The following STKLD1 variants were observed in gnomAD, a reference collection of about 807,000 sequenced individuals.
STKLD1 encodes serine/threonine kinase like domain containing 1.
STKLD1 carries 79 observed loss-of-function variants against 80.4 expected under a neutral mutation model. The ratio of observed to expected loss-of-function variants is 0.98; its 90% CI spans 0.82 to 1.19. The LOEUF is 1.19. STKLD1 is among the 50% of genes most tolerant of loss of function. The probability of loss-of-function intolerance (pLI) is 0.00; values close to 1 mark genes in which losing one functional copy is unlikely to be tolerated. For missense variants in STKLD1, 841 were observed against 856.0 expected, an observed-to-expected ratio of 0.98 and a Z score of 0.22; for synonymous variants, 393 against 357.6, an observed-to-expected ratio of 1.10 and a Z score of -1.12.
chr9:133,385,030 A>G lies in STKLD1; in HGVS notation c.220-587A>G, dbSNP rs2130273540. On this transcript the variant is annotated intron_variant, in intron 3 of 17. Coordinates refer to ENST00000371957, the MANE Select transcript of STKLD1 (RefSeq NM_153710.5). This position sits in a 1 kb window ranked among gnomAD's most constrained non-coding sequence, Gnocchi z 4.9. ...TCGGTAACAAATGGGAAGAAAGAGC[A>G]TGGGGCCTGCCCAGAGCCGCACGCC... 1.2e-3 allele frequency among the ~76,000 whole-genome samples: 178 copies of G among 152,282 alleles called. 2 individuals are homozygous for G. The highest frequency in any genetic ancestry group is 4.7e-4 in the Non-Finnish European group (32 of 68,016).
In STKLD1 at chr9:133,397,964, C is replaced by A. The variant is rs201703214; in HGVS notation, c.998-8C>A. ...AAAGGTCCCTCCCCTGCCTTCCTGT[C>A]CCTGCAGAGGTCATGCAGAAATTCT... On this transcript the variant is annotated splice_region_variant and splice_polypyrimidine_tract_variant and intron_variant, in intron 10 of 17. Coordinates refer to ENST00000371957, the MANE Select transcript of STKLD1 (RefSeq NM_153710.5). 2.5e-6 allele frequency: 4 copies of A among 1,611,934 alleles called. No individual in the cohort carries two copies. In the East Asian group the frequency reaches 8.9e-5, roughly 36 times the overall value.
intron 9 of STKLD1, among the ~76,000 whole-genome samples, chr9:133,396,414 G>T (rs1838565946): frequency 1.3e-5 from 2 of 152,138 alleles, no homozygotes; most frequent in South Asian, 4.1e-4. Flanking sequence ...CTTCAGCCTG[G>T]GTGACAGAGT....
Position 133,389,279 on chromosome 9 carries a change from C to T in STKLD1, c.397-247C>T, listed in dbSNP as rs1367006003. 1.0e-6 allele frequency: 1 copy of T among 985,140 alleles called. No individual in the cohort carries two copies. The highest frequency in any genetic ancestry group is 6.2e-5 in the Admixed American group (1 of 16,250). 61.0% of individuals were successfully genotyped at this position (985,140 alleles called of 1,614,324 possible). On this transcript the variant is annotated intron_variant, in intron 5 of 17. Coordinates refer to ENST00000371957, the MANE Select transcript of STKLD1 (RefSeq NM_153710.5). This position sits in a 1 kb window ranked among gnomAD's most constrained non-coding sequence, Gnocchi z 6.4. The stretch of plus-strand genomic sequence containing the variant: ...ATGGGGCCCCTGCAGCACCCAGGGT[C>T]TCTGGTATGGAGACAGCAGTGTGGA...
Position 133,403,908 on chromosome 9 carries a change from C to T in STKLD1, c.1604-12C>T. 3 of 1,606,532 alleles carry T rather than the reference C, an allele frequency of 1.9e-6. No homozygotes were observed. The highest frequency in any genetic ancestry group is 1.1e-5 in the South Asian group (1 of 90,466). ...CACAGCAGGCACAAGGCAGCCCGGCCCCTTTCTGCAGGCTGCATCAAGGAG... is the reference window on the plus strand; with the variant it reads ...CACAGCAGGCACAAGGCAGCCCGGCTCCTTTCTGCAGGCTGCATCAAGGAG... On this transcript the variant is annotated splice_polypyrimidine_tract_variant and intron_variant, in intron 15 of 17. Transcript: ENST00000371957.
intron 11 of STKLD1, among the ~76,000 whole-genome samples, chr9:133,399,894 A>G (rs1488836099): frequency 1.6e-5 from 2 of 127,220 alleles, no homozygotes; most frequent in Non-Finnish European, 3.2e-5. Flanking sequence ...AAAAAAAAAA[A>G]GAGGGGGGGG....
At position 133,382,888 on chromosome 9, in the gene STKLD1, TG is replaced by T. The variant is rs1193883187; in HGVS notation, c.175-966del. On this transcript the variant is annotated intron_variant, in intron 2 of 17. Transcript: ENST00000371957. ...GGTGTGATGGTGATGGTGGTAATGA[TG>T]GTGATGATGTTGGTGATGGTGGTGA... Among the ~76,000 whole-genome samples, 58 of 142,532 alleles carry T rather than the reference TG, an allele frequency of 4.1e-4. 1 individual carries two copies. The highest frequency in any genetic ancestry group is 3.4e-4 in the Admixed American group (5 of 14,510). The allele number at this position is 142,532 out of a possible 152,430, so 93.5% of individuals were successfully genotyped here. A position where few individuals can be genotyped will look rare whatever the true frequency, so the allele number is the denominator to read the frequency against.
At chr9:133,398,857 G>C (rs1554777117) in intron 11 of STKLD1, among the ~76,000 whole-genome samples, 1 of 151,904 alleles carries the variant, frequency 6.6e-6, no homozygotes, top group Non-Finnish European at 1.5e-5. Flanking sequence ...TTGTTTGTTT[G>C]TTTGTTTGTT....
Position 133,400,441 on chromosome 9 carries a change from G to T in STKLD1, c.1110G>T (p.Glu370Asp). ...LGLPWPPELV[E>D]VVVTTMELHD... is the part of the protein sequence containing the mutation. ...TGCCGTGGCCCCCGGAGCTGGTGGA[G>T]GTGGTGGTCACGACCATGGAGCTAC... is the stretch of plus-strand genomic sequence containing the variant. The change falls in exon 12 of 18, where the codon GAG (glutamate) becomes GAT (aspartate). Residue 370 changes from glutamate (E) to aspartate (D), a missense_variant. Coordinates refer to ENST00000371957, the MANE Select transcript of STKLD1 (RefSeq NM_153710.5). 6.2e-7 allele frequency: 1 copy of T among 1,613,140 alleles called. No individual in the cohort carries two copies. The highest frequency in any genetic ancestry group is 1.1e-5 in the South Asian group (1 of 91,082).
intron 10 of STKLD1, 45 bp from the exon 11 acceptor site, chr9:133,397,927 C>T (rs951515857): frequency 1.3e-6 from 2 of 1,548,940 alleles, no homozygotes; most frequent in Non-Finnish European, 1.8e-6. Context: ...GCCCCGAGGC[C>T]CTGGTCCTCA....
In STKLD1 at chr9:133,389,056, CT is replaced by C. The variant is rs1838326375; in HGVS notation, c.397-469del. The stretch of plus-strand genomic sequence containing the variant: ...GGAGCCCAGCTTTAGAATCACCGCG[CT>C]GGGTACTCGATGGAGCTTGTCTCTG... On this transcript the variant is annotated intron_variant, in intron 5 of 17. Transcript: ENST00000371957. This position sits in a 1 kb window ranked among gnomAD's most constrained non-coding sequence, Gnocchi z 6.4. 2 of 985,382 alleles carry C rather than the reference CT, an allele frequency of 2.0e-6. No homozygotes were observed. Among genetic ancestry groups the C allele is most frequent in the African/African-American group, 1.7e-5 (1 of 57,340 alleles). 61.0% of individuals were successfully genotyped at this position (985,382 alleles called of 1,614,324 possible).
chr9:133,401,876 A>AG lies in STKLD1; in HGVS notation c.1339+1dup, dbSNP rs1838716173. 2 of 1,613,122 alleles carry AG rather than the reference A, an allele frequency of 1.2e-6. No individual in the cohort carries two copies. The highest frequency in any genetic ancestry group is 1.7e-6 in the Non-Finnish European group (2 of 1,179,920). On this transcript the variant is annotated frameshift_variant and splice_region_variant, in exon 13 of 18. Coordinates refer to ENST00000371957, the MANE Select transcript of STKLD1 (RefSeq NM_153710.5). LOFTEE classifies it high-confidence loss of function. ...AGCCTGCTAGCCATCACCACAACCC[A>AG]GGGTGTGTCTGCCAGCCACCTCCTG...
intron 8 of STKLD1, among the ~76,000 whole-genome samples, chr9:133,395,023 A>G: frequency 6.6e-6 from 1 of 152,144 alleles, no homozygotes; most frequent in East Asian, 1.9e-4. Context: ...TATGCAGAAG[A>G]GAAAAGTGGG....
intron 2 of STKLD1, among the ~76,000 whole-genome samples, chr9:133,380,338 T>A (rs2130263304): frequency 1.1e-4 from 17 of 150,710 alleles, no homozygotes; most frequent in Non-Finnish European, 2.2e-4. Context: ...AGCCACCGCG[T>A]CCGGCCTGAG....
intron 2 of STKLD1, among the ~76,000 whole-genome samples, chr9:133,382,561 ATGATGG>A (rs999162151): frequency 2.8e-5 from 4 of 143,708 alleles, no homozygotes; most frequent in Non-Finnish European, 4.5e-5. Flanking sequence ...TGATGGTGTG[ATGATGG>A]TGATGGTGGT....
intron 11 of STKLD1, among the ~76,000 whole-genome samples, chr9:133,398,766 C>A (rs1554777087): frequency 6.6e-6 from 1 of 152,212 alleles, no homozygotes; most frequent in East Asian, 1.9e-4. Flanking sequence ...AAGACCCTGT[C>A]TCAGAAAACA....
chr9:133,402,846 G>T, intron 13 of STKLD1, 32 bp from the exon 14 acceptor site: 1 of 1,588,714 alleles, frequency 6.3e-7, no homozygotes. Flanking sequence ...GGAGGGAGGG[G>T]CCCTGGGGCC....
chr9:133,382,582 G>A (rs1206962461), intron 2 of STKLD1, among the ~76,000 whole-genome samples: 1 of 151,018 alleles, frequency 6.6e-6, no homozygotes, highest in East Asian at 2.0e-4. Flanking sequence ...GGTGGTCATG[G>A]TGATGGTGTG....
chr9:133,403,615 G>T, intron 14 of STKLD1, 85 bp from the exon 15 acceptor site: 1 of 1,518,148 alleles, frequency 6.6e-7, no homozygotes, highest in South Asian at 1.3e-5. Flanking sequence ...GTTAGCTGGA[G>T]GAAGGCAGCA....
At chr9:133,401,425 C>T (rs918415402) in intron 12 of STKLD1, among the ~76,000 whole-genome samples, 1 of 152,126 alleles carries the variant, frequency 6.6e-6, no homozygotes, top group Non-Finnish European at 1.5e-5. Context: ...CATGAGCCAC[C>T]GCGCGCGGCC....
Sources: allele counts gnomAD v4.1 joint callset (sites outside exome capture counted in the v4.1 genomes callset), GRCh38; gene constraint gnomAD v4.1.1; non-coding constraint Gnocchi (gnomAD v3.1); transcripts MANE v1.5; gene names NCBI Gene and HGNC (gene_info 2026-07-23, HGNC 2026-07-21).